FMNL3: variants seen among roughly 807,000 people sequenced by gnomAD.
FMNL3 encodes the protein formin-like protein 3.
Under a neutral mutation model 119.6 loss-of-function variants are expected in FMNL3, and 57 were observed. The ratio of observed to expected loss-of-function variants is 0.48; its 90% CI spans 0.39 to 0.59. FMNL3 has a LOEUF of 0.59. Ranked by LOEUF, FMNL3 falls within the 20% of genes least tolerant of loss-of-function variation. FMNL3 has a pLI of 0.00. For missense variants in FMNL3, 1,053 were observed against 1,323.5 expected (o/e 0.80, Z 3.17); for synonymous variants, 491 against 507.3 (o/e 0.97, Z 0.43).
rs2138531437 is a variant in FMNL3, at chr12:49,636,604, C to T, written c.*9211G>A. 2 of 1,481,290 alleles carry T rather than the reference C, an allele frequency of 1.4e-6. No individual in the cohort carries two copies. The highest frequency in any genetic ancestry group is 9.2e-7 in the Non-Finnish European group (1 of 1,083,570). The allele number at this position is 1,481,290 out of a possible 1,614,324, so 91.8% of individuals were successfully genotyped here. ...CCCCTCCAGGCCCTTCCCCCACCAC[C>T]CTGGGTATCCCTAGCACCTGTAGGA... On this transcript the variant is annotated 3_prime_UTR_variant, in exon 26 of 26. Coordinates refer to ENST00000335154, the MANE Select transcript of FMNL3 (RefSeq NM_175736.5).
rs1195568076 is a variant in FMNL3, at chr12:49,641,038, G to C, written c.*4777C>G. On this transcript the variant is annotated 3_prime_UTR_variant, in exon 26 of 26. Coordinates refer to ENST00000335154, the MANE Select transcript of FMNL3 (RefSeq NM_175736.5). ...AGGAGGTGAGAGCTATGTGGAGGGA[G>C]AGAAAGGGAATCTGGCCTGTGCTTA... The C allele has an allele frequency of 6.6e-6, 1 of 152,272 alleles. No homozygotes were observed. The highest frequency in any genetic ancestry group is 2.4e-5 in the African/African-American group (1 of 41,458). 9.4% of individuals were successfully genotyped at this position (152,272 alleles called of 1,614,324 possible). A position where few individuals can be genotyped will look rare whatever the true frequency, so the allele number is the denominator to read the frequency against.
In FMNL3 at chr12:49,657,188, T is replaced by G. The variant is rs751661835; in HGVS notation, c.608A>C (p.Tyr203Ser). 11 of 1,613,304 alleles carry G rather than the reference T, an allele frequency of 6.8e-6. No homozygotes were observed. In the East Asian group the frequency reaches 2.2e-4, roughly 33 times the overall value. The change falls in exon 7 of 26, where the codon TAT becomes TCT. Residue 203 changes from tyrosine (Y) to serine (S), a missense_variant and splice_region_variant. By Grantham distance (144) the Tyr-to-Ser change is moderately radical. Around this residue, in one of 4 missense-constraint regions of FMNL3, gnomAD observed 264 missense variants for 265.5 expected, o/e 0.99. Transcript: ENST00000335154. The part of the protein sequence containing the change: ...ARSARQSVLR[Y>S]STLPGRRALK... Reference sequence around the variant, plus strand: ...GGCCCTGCGCCCAGGGAGAGTGCTATACCTGGGGAGATGGGCCAGGCAGTC... The same window carrying G: ...GGCCCTGCGCCCAGGGAGAGTGCTAGACCTGGGGAGATGGGCCAGGCAGTC...
In FMNL3 at chr12:49,651,210, A is replaced by G. The variant is rs2138736345; in HGVS notation, c.1755T>C (p.Ser585=). ...CATCAAGTTCGCTGAAGACAGTGCC[A>G]CTGATCTGGTTGGGTTTCAGTGCTG... The part of the protein sequence containing the change: ...NWTALKPNQI[S]GTVFSELDDE... The change falls in exon 16 of 26, where the codon AGT becomes AGC. Residue 585 remains serine, a synonymous_variant. Transcript: ENST00000335154. The G allele has an allele frequency of 6.2e-7, 1 of 1,613,858 alleles. No individual in the cohort carries two copies. The highest frequency in any genetic ancestry group is 8.5e-7 in the Non-Finnish European group (1 of 1,179,750).
intron 1 of FMNL3, among the ~76,000 whole-genome samples, chr12:49,697,487 G>A (rs1944782274): frequency 6.6e-6 from 1 of 152,076 alleles, no homozygotes; most frequent in Non-Finnish European, 1.5e-5. Context: ...CATTGTGTGG[G>A]ACTCACCAAA....
chr12:49,685,477 A>G (rs1944434732), intron 1 of FMNL3, among the ~76,000 whole-genome samples: 1 of 152,024 alleles, frequency 6.6e-6, no homozygotes, highest in African/African-American at 2.4e-5. Flanking sequence ...AATAATAATA[A>G]TAATGTCCCT....
chr12:49,651,945 G>A lies in FMNL3; in HGVS notation c.1591C>T (p.Pro531Ser), dbSNP rs764099708. The part of the protein sequence containing the change: ...PPAPPLPPPP[P>S]PLPDKCPPAP... Reference sequence around the variant, plus strand: ...TCGTCGTGGTTACCTGGTAATGGGGGAGGTGGAGGGGGCAAGGGCGGAGCT... The same window carrying A: ...TCGTCGTGGTTACCTGGTAATGGGGAAGGTGGAGGGGGCAAGGGCGGAGCT... The change falls in exon 14 of 26, where the codon CCC becomes TCC. Residue 531 changes from proline to serine, a missense_variant. Transcript: ENST00000335154. The A allele has an allele frequency of 2.2e-5, 35 of 1,592,962 alleles. No individual in the cohort carries two copies. The South Asian group carries it at 2.9e-4, about 13-fold the overall frequency.
chr12:49,642,045 T>C lies in FMNL3; in HGVS notation c.*3770A>G. On this transcript the variant is annotated 3_prime_UTR_variant, in exon 26 of 26. Transcript: ENST00000335154. The surrounding 1 kb of genome is among the most constrained non-coding windows in gnomAD (Gnocchi z 5.8). ...ATAGTGTGAGGGGCTGGGCGGGGCG[T>C]GGGAAGTTCTCTAATTCATCTGTGT... 6.2e-7 allele frequency: 1 copy of C among 1,608,806 alleles called. No homozygotes were observed.
rs1204530845 is a variant in FMNL3, at chr12:49,642,310, G to A, written c.*3505C>T. 2.5e-6 allele frequency: 4 copies of A among 1,614,186 alleles called. No individual in the cohort carries two copies. The South Asian group carries it at 4.4e-5, about 18-fold the overall frequency. On this transcript the variant is annotated 3_prime_UTR_variant, in exon 26 of 26. Transcript: ENST00000335154. This position sits in a 1 kb window ranked among gnomAD's most constrained non-coding sequence, Gnocchi z 5.8. ...ACGCAGGATGCGGCGCAGGGAAGCT[G>A]CCTTTCGAAGCATGCTGAGGCAGGC...
chr12:49,665,287 C>G (rs1943859000), intron 4 of FMNL3, among the ~76,000 whole-genome samples: 1 of 151,976 alleles, frequency 6.6e-6, no homozygotes, highest in Non-Finnish European at 1.5e-5. Flanking sequence ...TTGGGGACAC[C>G]AGGGTCTGTG....
intron 11 of FMNL3, 27 bp from the exon 12 acceptor site, chr12:49,653,901 A>C: frequency 6.2e-7 from 1 of 1,611,986 alleles, no homozygotes; most frequent in Admixed American, 1.7e-5. Context: ...GAGTAGGAGT[A>C]GTTGTAGGAG....
rs1943021650 is a variant in FMNL3, at chr12:49,644,015, G to A, written c.*1800C>T. On this transcript the variant is annotated 3_prime_UTR_variant, in exon 26 of 26. Transcript: ENST00000335154. ...ATCAAGAAGGAGAAGGTGAGGGGCA[G>A]GGGCCCTAGGCCAGTCAGCACGCTG... 1 of 1,614,160 alleles carries A rather than the reference G, an allele frequency of 6.2e-7. No individual in the cohort carries two copies. The highest frequency in any genetic ancestry group is 1.3e-5 in the African/African-American group (1 of 75,062).
intron 1 of FMNL3, among the ~76,000 whole-genome samples, chr12:49,693,982 G>A (rs541387841): frequency 3.3e-5 from 5 of 150,520 alleles, no homozygotes; most frequent in Admixed American, 6.6e-5. Flanking sequence ...TCAGAGGCCC[G>A]GACCGGAGTG....
intron 1 of FMNL3, among the ~76,000 whole-genome samples, chr12:49,681,964 G>A (rs1268348485): frequency 1.3e-5 from 2 of 151,774 alleles, no homozygotes; most frequent in Non-Finnish European, 2.9e-5. Flanking sequence ...AGTGCCTGGC[G>A]CAGGAGAAAG....
rs1943325687 is a variant in FMNL3 at position 49,649,501 on chromosome 12, T to C, written c.2273A>G (p.Lys758Arg). ...NAIIAASASV[K>R]SSQKLKQMLE... Reference sequence around the variant, plus strand: ...CATCTGCTTCAGCTTCTGTGAAGACTTGACGGAAGCGGACGCCGCAATGAT... The same window carrying C: ...CATCTGCTTCAGCTTCTGTGAAGACCTGACGGAAGCGGACGCCGCAATGAT... Residue 758 changes from lysine (K) to arginine (R), a missense_variant, in exon 19 of 26, where the codon AAG becomes AGG. By Grantham distance (26) the Lys-to-Arg change is conservative. Transcript: ENST00000335154. This position sits in a 1 kb window ranked among gnomAD's most constrained non-coding sequence, Gnocchi z 5.6. 1.2e-6 allele frequency: 2 copies of C among 1,614,156 alleles called. No individual in the cohort carries two copies. Among genetic ancestry groups the C allele is most frequent in the African/African-American group, 1.3e-5 (1 of 75,050 alleles).
chr12:49,650,897 C>T lies in FMNL3; in HGVS notation c.1798-19G>A, dbSNP rs762287753. Reference sequence around the variant, plus strand: ...CCAGGTCCTGGCAGGAATAGGTGAGCAAGGAAAACGCTGTAGCCTCATACT... The same window carrying T: ...CCAGGTCCTGGCAGGAATAGGTGAGTAAGGAAAACGCTGTAGCCTCATACT... On this transcript the variant is annotated intron_variant, in intron 16 of 25. Transcript: ENST00000335154. 6.2e-7 allele frequency: 1 copy of T among 1,613,768 alleles called. No individual in the cohort carries two copies. The highest frequency in any genetic ancestry group is 1.1e-5 in the South Asian group (1 of 91,030).
intron 1 of FMNL3, among the ~76,000 whole-genome samples, chr12:49,689,781 T>A (rs569022570): frequency 1.3e-5 from 2 of 152,206 alleles, no homozygotes; most frequent in Admixed American, 6.5e-5. Context: ...CAAGCTCACA[T>A]CTGTCTATAA....
At position 49,695,359 on chromosome 12, in the gene FMNL3, CT is replaced by C. The variant is rs568852093; in HGVS notation, c.126+11695del. 3.1e-4 allele frequency among the ~76,000 whole-genome samples: 47 copies of C among 152,126 alleles called. No individual in the cohort carries two copies. The East Asian group carries it at 7.9e-3, about 26-fold the overall frequency. ...ATATAAAAAATAAAAGATTAAGCAT[CT>C]TTTAGAAGTTGTTTTTCCAACAGTC... On this transcript the variant is annotated intron_variant, in intron 1 of 25. Transcript: ENST00000335154.
chr12:49,677,394 T>G (rs1027957787), intron 1 of FMNL3, among the ~76,000 whole-genome samples: 1 of 152,206 alleles, frequency 6.6e-6, no homozygotes, highest in Non-Finnish European at 1.5e-5. Flanking sequence ...GCTCCACCAC[T>G]TACTAGCTGT....
At chr12:49,704,840 A>G (rs528293278) in intron 1 of FMNL3, among the ~76,000 whole-genome samples, 138 of 152,172 alleles carry the variant, frequency 9.1e-4, no homozygotes, top group Non-Finnish European at 1.8e-3. Context: ...GATTACCTCC[A>G]TTTTACAGAT....
Sources: allele counts gnomAD v4.1 joint callset (sites outside exome capture counted in the v4.1 genomes callset), GRCh38; gene constraint gnomAD v4.1.1; regional missense constraint gnomAD v4.1.1; non-coding constraint Gnocchi (gnomAD v3.1); transcripts MANE v1.5; gene names NCBI Gene and HGNC (gene_info 2026-07-23, HGNC 2026-07-21).